The following VPS13D variants were observed in gnomAD, a reference collection of about 807,000 sequenced individuals.
VPS13D encodes the protein intermembrane lipid transfer protein VPS13D.
A neutral mutation model predicts 461.9 loss-of-function variants in VPS13D; 187 were observed. The ratio of observed to expected loss-of-function variants is 0.40; its 90% confidence interval spans 0.36 to 0.46. The LOEUF (loss-of-function observed/expected upper bound fraction) is 0.46, where lower values mean the gene tolerates loss of function less well. VPS13D is among the 20% of genes least tolerant of loss of function. VPS13D has a pLI of 0.60. For synonymous variants in VPS13D, 1,951 were observed against 1,986.3 expected, an observed-to-expected ratio of 0.98 and a Z score of 0.47; for missense variants, 4,711 against 5,364.9, an observed-to-expected ratio of 0.88 and a Z score of 3.81.
At chr1:12,489,448 A>G (rs746961887) in intron 67 of VPS13D, among the ~76,000 whole-genome samples, 1 of 152,256 alleles carries the variant, frequency 6.6e-6, no homozygotes, top group Non-Finnish European at 1.5e-5. Flanking sequence ...TCTTGAATCA[A>G]CATCTTTCTT....
Position 12,230,949 on chromosome 1 carries a change from C to T in VPS13D, c.-77+829C>T, listed in dbSNP as rs546900741. On this transcript the variant is annotated intron_variant, in intron 1 of 69. Transcript: ENST00000620676. ...GGGAGCGTCGCCTTCCGGGCAGTGC[C>T]GTTCCTGTGGGGCCACCGGTCGCAC... Among the ~76,000 whole-genome samples the T allele has an allele frequency of 4.3e-3, 659 of 152,218 alleles. 5 individuals are homozygous for T. Among genetic ancestry groups the T allele is most frequent in the African/African-American group, 0.015 (617 of 41,528 alleles).
At position 12,276,590 on chromosome 1, in the gene VPS13D, A is replaced by G. The variant is rs1218030207; in HGVS notation, c.3002A>G (p.His1001Arg). 4 of 1,614,026 alleles carry G rather than the reference A, an allele frequency of 2.5e-6. No homozygotes were observed. The highest frequency in any genetic ancestry group is 1.1e-5 in the South Asian group (1 of 91,082). Residue 1001 changes from histidine to arginine, a missense_variant, in exon 19 of 70, where the codon CAT becomes CGT. Physicochemically the swap from His to Arg is conservative, Grantham distance 29. This residue lies in a region of VPS13D where 4,411 missense variants were observed against 4,937.8 expected (regional missense o/e 0.89). Transcript: ENST00000620676. The surrounding 1 kb of genome is among the most constrained non-coding windows in gnomAD (Gnocchi z 4.5). Reference protein sequence around the residue: ...PYDAEVSLTVHGLLLVDTMQT... With the variant: ...PYDAEVSLTVRGLLLVDTMQT... ...GATGCTGAAGTCTCCCTAACTGTTC[A>G]TGGTTTGCTCCTGGTGGATACCATG...
intron 65 of VPS13D, among the ~76,000 whole-genome samples, chr1:12,442,788 C>A (rs1376188478): frequency 1.3e-5 from 2 of 152,022 alleles, no homozygotes; most frequent in Admixed American, 6.6e-5. Context: ...GGAATCTTGC[C>A]ATATTGTCTA....
rs943889551 is a variant in VPS13D, at chr1:12,507,727, G to T, written c.13035+634G>T. On this transcript the variant is annotated intron_variant, in intron 69 of 69. Transcript: ENST00000620676. This position sits in a 1 kb window ranked among gnomAD's most constrained non-coding sequence, Gnocchi z 5.3. The stretch of plus-strand genomic sequence containing the variant: ...CCCTCCTCACTATTGGTCATAGCAG[G>T]TGATTCATTCAAGGCTACACAGCTG... Among the ~76,000 whole-genome samples the T allele has an allele frequency of 6.6e-6, 1 of 152,218 alleles. No homozygotes were observed. Among genetic ancestry groups the T allele is most frequent in the African/African-American group, 2.4e-5 (1 of 41,458 alleles).
chr1:12,249,602 T>G (rs1640669178), intron 6 of VPS13D: 1 of 280,556 alleles, frequency 3.6e-6, no homozygotes, highest in African/African-American at 2.2e-5. Flanking sequence ...TATTTTTGAT[T>G]TTTTTCTCGT....
intron 67 of VPS13D, among the ~76,000 whole-genome samples, chr1:12,484,898 A>G (rs1208197987): frequency 6.6e-6 from 1 of 152,212 alleles, no homozygotes; most frequent in Non-Finnish European, 1.5e-5. Flanking sequence ...ACAGGTTTCA[A>G]ACTTGCCAGT....
intron 66 of VPS13D, among the ~76,000 whole-genome samples, chr1:12,459,713 G>A (rs1032748347): frequency 7.9e-5 from 12 of 151,924 alleles, no homozygotes; most frequent in East Asian, 7.7e-4. Flanking sequence ...TCTTGACCTC[G>A]TGATCTGCCC....
rs1288136775 is a variant in VPS13D at position 12,244,570 on chromosome 1, T to C, written c.400T>C (p.Tyr134His). Residue 134 changes from tyrosine (Y) to histidine (H), a missense_variant, in exon 5 of 70, where the codon TAT becomes CAT. Physicochemically the swap from Tyr to His is moderately conservative, Grantham distance 83. Transcript: ENST00000620676. ...CCAGCAGAAAGGGGAGTCCTATTGG[T>C]ATTCAGTTACCGCCTCCGTAGTTAC... ...DRQQKGESYW[Y>H]SVTASVVTRI... is the part of the protein sequence containing the mutation. 30 of 1,614,240 alleles carry C rather than the reference T, an allele frequency of 1.9e-5. No individual in the cohort carries two copies. Among genetic ancestry groups the C allele is most frequent in the Non-Finnish European group, 2.5e-5 (29 of 1,180,042 alleles).
rs746329138 is a variant in VPS13D, at chr1:12,400,222, C to T, written c.11676C>T (p.Leu3892=). 2.2e-5 allele frequency: 36 copies of T among 1,614,034 alleles called. No homozygotes were observed. Among genetic ancestry groups the T allele is most frequent in the Non-Finnish European group, 3.0e-5 (35 of 1,180,038 alleles). ...TTGGTACCACGCAGCCCTTCATGCT[C>T]TATGTGACTCCCCTGAGCAATGAGA... ...QLIGTTQPFM[L]YVTPLSNENE... Residue 3892 remains leucine, a synonymous_variant, in exon 61 of 70, where the codon CTC becomes CTT. Transcript: ENST00000620676.
rs761931142 is a variant in VPS13D at position 12,314,098 on chromosome 1, T to G, written c.6936-17T>G. 8.3e-5 allele frequency: 134 copies of G among 1,610,186 alleles called. No individual in the cohort carries two copies. The highest frequency in any genetic ancestry group is 9.5e-5 in the Non-Finnish European group (112 of 1,177,348). ...GTTGTGTTTCACATCTTGCTTGCTT[T>G]CTTTTCTCTCTTTTAGATTTGACTT... On this transcript the variant is annotated splice_polypyrimidine_tract_variant and intron_variant, in intron 29 of 69. Coordinates refer to ENST00000620676, the MANE Select transcript of VPS13D (RefSeq NM_015378.4).
chr1:12,338,545 G>GT (rs1643500059), intron 40 of VPS13D, among the ~76,000 whole-genome samples: 1 of 152,116 alleles, frequency 6.6e-6, no homozygotes, highest in Non-Finnish European at 1.5e-5. Flanking sequence ...ACTCCACAGT[G>GT]TATGATGCAG....
At chr1:12,452,352 G>A (rs1645273637) in intron 65 of VPS13D, among the ~76,000 whole-genome samples, 1 of 152,234 alleles carries the variant, frequency 6.6e-6, no homozygotes, top group South Asian at 2.1e-4. Flanking sequence ...CTACATGATG[G>A]TGTAGCTCTT....
At chr1:12,404,596 T>C (rs765688791) in intron 63 of VPS13D, among the ~76,000 whole-genome samples, 34 of 152,230 alleles carry the variant, frequency 2.2e-4, no homozygotes, top group Non-Finnish European at 3.8e-4. Flanking sequence ...AAAGTTTATC[T>C]TCATCAAGGA....
At chr1:12,469,447 A>G (rs1001974603) in intron 67 of VPS13D, among the ~76,000 whole-genome samples, 4 of 152,246 alleles carry the variant, frequency 2.6e-5, no homozygotes, top group African/African-American at 9.6e-5. Context: ...GAGATTTACA[A>G]AAATGTGCAG....
intron 21 of VPS13D, among the ~76,000 whole-genome samples, chr1:12,284,637 C>A (rs1356929116): frequency 3.3e-5 from 5 of 152,226 alleles, no homozygotes; most frequent in Non-Finnish European, 7.3e-5. Flanking sequence ...TGGCTGGTAA[C>A]ATTTGTGTGC....
At chr1:12,323,655 AT>A (rs761844720) in intron 34 of VPS13D, 50 bp from the exon 35 acceptor site, 15 of 1,537,490 alleles carry the variant, frequency 9.8e-6, no homozygotes, top group Admixed American at 1.7e-5. Context: ...TAGTTTGTAG[AT>A]TAATTTACAT....
At position 12,509,212 on chromosome 1, in the gene VPS13D, G is replaced by A; in HGVS notation, c.*188G>A. 1 of 660,942 alleles carries A rather than the reference G, an allele frequency of 1.5e-6. No homozygotes were observed. The highest frequency in any genetic ancestry group is 2.9e-5 in the South Asian group (1 of 34,328). 40.9% of individuals were successfully genotyped at this position (660,942 alleles called of 1,614,324 possible). On this transcript the variant is annotated 3_prime_UTR_variant, in exon 70 of 70. Coordinates refer to ENST00000620676, the MANE Select transcript of VPS13D (RefSeq NM_015378.4). ...ATCGTATTAATTTGTGAGGCAGGGA[G>A]TTATTTTAGATTATGGGAAATAATT...
intron 38 of VPS13D, among the ~76,000 whole-genome samples, chr1:12,335,341 A>G (rs899358133): frequency 1.3e-5 from 2 of 152,246 alleles, no homozygotes; most frequent in African/African-American, 4.8e-5. Flanking sequence ...TGCTGAGATT[A>G]CAGGCGTGAG....
At position 12,293,672 on chromosome 1, in the gene VPS13D, G is replaced by A; in HGVS notation, c.6001G>A (p.Gly2001Arg). ...TTTCACTCAGCTGCAGGATGTCTTA[G>A]GGCGCCAGCGAGCTGCTATTGAGGG... ...QHFTQLQDVL[G>R]RQRAAIEGQT... Residue 2001 changes from glycine (G) to arginine (R), a missense_variant, in exon 24 of 70, where the codon GGG (glycine) becomes AGG (arginine). Gly to Arg is a moderately radical substitution (Grantham distance 125). Transcript: ENST00000620676. 6.2e-7 allele frequency: 1 copy of A among 1,614,024 alleles called. No homozygotes were observed. The highest frequency in any genetic ancestry group is 8.5e-7 in the Non-Finnish European group (1 of 1,179,984).
Sources: gnomAD v4.1 joint callset for allele counts (sites outside exome capture counted in the v4.1 genomes callset) on GRCh38, gnomAD v4.1.1 for gene constraint, gnomAD v4.1.1 regional missense constraint, Gnocchi (gnomAD v3.1) non-coding constraint, MANE v1.5 for transcripts, NCBI Gene and HGNC (gene_info 2026-07-23, HGNC 2026-07-21) for gene names.